CDKAL1: variants seen among roughly 807,000 people sequenced by gnomAD.
CDKAL1 encodes the protein threonylcarbamoyladenosine tRNA methylthiotransferase.
In CDKAL1, 32 loss-of-function variants were observed where a neutral mutation model predicts 68.2. The observed-to-expected ratio is 0.47, with a 90% CI of 0.35 to 0.63. The LOEUF (loss-of-function observed/expected upper bound fraction) is 0.63. Ranked by LOEUF, CDKAL1 falls within the 30% of genes least tolerant of loss-of-function variation. The pLI is 0.00. For synonymous variants in CDKAL1, 234 were observed against 244.3 expected (o/e 0.96, Z 0.39); for missense variants, 606 against 696.7 (o/e 0.87, Z 1.47).
chr6:21,093,132 G>T (rs1239752871), intron 12 of CDKAL1, among the ~76,000 whole-genome samples: 1 of 152,104 alleles, frequency 6.6e-6, no homozygotes, highest in Non-Finnish European at 1.5e-5. Context: ...CCCCATGGAC[G>T]CAGCATTATG....
chr6:20,683,669 C>A (rs72830693), intron 5 of CDKAL1, among the ~76,000 whole-genome samples: 8 of 152,134 alleles, frequency 5.3e-5, no homozygotes, highest in Admixed American at 1.3e-4. Context: ...TCAGTATCCC[C>A]CATCAGAATG....
intron 5 of CDKAL1, among the ~76,000 whole-genome samples, chr6:20,727,860 G>C (rs904319997): frequency 6.6e-6 from 1 of 152,122 alleles, no homozygotes; most frequent in Non-Finnish European, 1.5e-5. Flanking sequence ...GCCGTATTTG[G>C]ACCTGCAATG....
chr6:20,598,492 C>A (rs796899552), intron 4 of CDKAL1, among the ~76,000 whole-genome samples: 1 of 151,662 alleles, frequency 6.6e-6, no homozygotes, highest in African/African-American at 2.4e-5. Flanking sequence ...GCATACGATA[C>A]ATATCTGACA....
chr6:20,816,127 C>A (rs929766215), intron 8 of CDKAL1, among the ~76,000 whole-genome samples: 2 of 119,484 alleles, frequency 1.7e-5, no homozygotes, highest in African/African-American at 5.8e-5. Context: ...ATGTCCCCCC[C>A]CCCGCCTTTT....
At chr6:20,935,589 G>C (rs915706881) in intron 9 of CDKAL1, among the ~76,000 whole-genome samples, 2 of 151,864 alleles carry the variant, frequency 1.3e-5, no homozygotes, top group East Asian at 1.9e-4. Flanking sequence ...ACCTCCACAC[G>C]CAGCTAATTT....
chr6:20,600,789 C>CATATATATATATATATAT lies in CDKAL1; in HGVS notation c.287-48503_287-48502insTATATATATATATATATA, dbSNP rs58795499. ...ATGTATACATATATATATATATATA[C>CATATATATATATATATAT]ACACACACACATGAATGATAAATTA... On this transcript the variant is annotated intron_variant, in intron 4 of 15. Transcript: ENST00000274695. Among the ~76,000 whole-genome samples the CATATATATATATATATAT allele has an allele frequency of 7.7e-3, 1,000 of 130,374 alleles. 7 individuals are homozygous for CATATATATATATATATAT. The highest frequency in any genetic ancestry group is 1.0e-2 in the Non-Finnish European group (624 of 62,448). The allele number at this position is 130,374 out of a possible 152,430, so 85.5% of individuals were successfully genotyped here.
chr6:20,751,422 C>G (rs1773916014), intron 6 of CDKAL1, among the ~76,000 whole-genome samples: 1 of 152,200 alleles, frequency 6.6e-6, no homozygotes, highest in Non-Finnish European at 1.5e-5. Flanking sequence ...TCCTCAGTAA[C>G]AGTAGCCACA....
intron 5 of CDKAL1, among the ~76,000 whole-genome samples, chr6:20,657,182 C>T (rs1052784259): frequency 1.2e-4 from 18 of 152,264 alleles, no homozygotes; most frequent in Admixed American, 9.8e-4. Context: ...AATGTTAAGT[C>T]GTGCTACACA....
chr6:20,971,243 T>G (rs894082527), intron 10 of CDKAL1, among the ~76,000 whole-genome samples: 2 of 152,220 alleles, frequency 1.3e-5, no homozygotes, highest in Non-Finnish European at 2.9e-5. Flanking sequence ...CCACAATTAC[T>G]GTCTTTCATG....
At chr6:20,702,858 C>T (rs1771432043) in intron 5 of CDKAL1, among the ~76,000 whole-genome samples, 1 of 152,154 alleles carries the variant, frequency 6.6e-6, no homozygotes, top group Non-Finnish European at 1.5e-5. Flanking sequence ...GGGCCACGCC[C>T]TTCTCTACCC....
chr6:20,769,550 C>G (rs141283123), intron 7 of CDKAL1, among the ~76,000 whole-genome samples: 2 of 152,218 alleles, frequency 1.3e-5, no homozygotes, highest in Non-Finnish European at 2.9e-5. Context: ...AGCCACCACA[C>G]CGGCCTTGAT....
chr6:20,593,230 T>C (rs1177614430), intron 4 of CDKAL1, among the ~76,000 whole-genome samples: 3 of 152,188 alleles, frequency 2.0e-5, no homozygotes, highest in African/African-American at 7.2e-5. Flanking sequence ...TTTGGAATAG[T>C]TTCAGAAGGA....
At chr6:21,087,979 G>A (rs1256375690) in intron 12 of CDKAL1, among the ~76,000 whole-genome samples, 3 of 152,182 alleles carry the variant, frequency 2.0e-5, no homozygotes, top group Non-Finnish European at 4.4e-5. Context: ...AGGATGGGAC[G>A]GGACAGGGCC....
chr6:21,003,371 T>TATATATACACACACACACACACACACAC, intron 11 of CDKAL1, among the ~76,000 whole-genome samples: 80 of 49,152 alleles, frequency 1.6e-3, no homozygotes, highest in Non-Finnish European at 2.3e-3. Context: ...TATATATATA[T>TATATATACACACACACACACACACACAC]ACACACACAC....
intron 8 of CDKAL1, among the ~76,000 whole-genome samples, chr6:20,802,170 C>G (rs187649542): frequency 6.6e-6 from 1 of 151,696 alleles, no homozygotes; most frequent in Non-Finnish European, 1.5e-5. Context: ...TGTTGGTGCA[C>G]GCCTGTAGTC....
At chr6:20,798,338 A>G (rs1319954968) in intron 8 of CDKAL1, among the ~76,000 whole-genome samples, 1 of 152,128 alleles carries the variant, frequency 6.6e-6, no homozygotes, top group African/African-American at 2.4e-5. Context: ...AGAACTGTAC[A>G]CCTTCCAGAA....
At chr6:21,022,162 C>T (rs920251594) in intron 11 of CDKAL1, among the ~76,000 whole-genome samples, 1 of 152,180 alleles carries the variant, frequency 6.6e-6, no homozygotes, top group African/African-American at 2.4e-5. Context: ...CCAGCATGGC[C>T]TCCTACTTTG....
At chr6:20,948,226 A>G (rs576083541) in intron 9 of CDKAL1, among the ~76,000 whole-genome samples, 2 of 152,102 alleles carry the variant, frequency 1.3e-5, no homozygotes, top group South Asian at 4.2e-4. Context: ...TCTGTTGCCC[A>G]GGCTGGTCTT....
chr6:20,881,432 C>T (rs1010900440), intron 9 of CDKAL1, among the ~76,000 whole-genome samples: 4 of 152,148 alleles, frequency 2.6e-5, no homozygotes, highest in African/African-American at 9.7e-5. Flanking sequence ...ATTCTGAATT[C>T]TGTATGCTTG....
Sources: gnomAD v4.1 joint callset for allele counts (sites outside exome capture counted in the v4.1 genomes callset) on GRCh38, gnomAD v4.1.1 for gene constraint, MANE v1.5 for transcripts, NCBI Gene and HGNC (gene_info 2026-07-23, HGNC 2026-07-21) for gene names.